EXOC4: variants seen among roughly 807,000 people sequenced by gnomAD.
EXOC4 encodes SEC8-like 1.
A neutral mutation model predicts 107.2 loss-of-function variants in EXOC4; 71 were observed. The ratio of observed to expected loss-of-function variants is 0.66; its 90% CI spans 0.55 to 0.81. EXOC4 has a LOEUF of 0.81. EXOC4 is among the 30% of genes least tolerant of loss of function. EXOC4 has a pLI of 0.00. For missense variants in EXOC4, 1,108 were observed against 1,189.6 expected, an observed-to-expected ratio of 0.93 and a Z score of 1.01; for synonymous variants, 456 against 441.2, an observed-to-expected ratio of 1.03 and a Z score of -0.42.
intron 9 of EXOC4, among the ~76,000 whole-genome samples, chr7:133,497,802 A>G (rs1460061879): frequency 6.6e-6 from 1 of 152,116 alleles, no homozygotes; most frequent in African/African-American, 2.4e-5. Flanking sequence ...ATATCACTAT[A>G]CTAATGAGGA....
chr7:134,076,414 A>T, the EXOC4 span, among the ~76,000 whole-genome samples: 1 of 152,086 alleles, frequency 6.6e-6, no homozygotes, highest in Non-Finnish European at 1.5e-5. Context: ...GCTACTCGGG[A>T]CGCTGAGGCA....
chr7:133,720,163 G>T (rs370843700), intron 10 of EXOC4, among the ~76,000 whole-genome samples: 4 of 152,248 alleles, frequency 2.6e-5, no homozygotes, highest in African/African-American at 9.6e-5. Flanking sequence ...AATGCTAAGC[G>T]TGGGGTTCTG....
intron 1 of EXOC4, 96 bp from the exon 2 acceptor site, chr7:133,274,886 T>C (rs1793952138): frequency 2.1e-6 from 2 of 958,966 alleles, no homozygotes; most frequent in African/African-American, 3.2e-5. Context: ...ATGAATGTGC[T>C]TCACCTTCCT....
Position 133,792,321 on chromosome 7 carries a change from G to A in EXOC4, c.1515-25004G>A, listed in dbSNP as rs114599512. 2.4e-3 allele frequency among the ~76,000 whole-genome samples: 361 copies of A among 152,236 alleles called. 5 individuals carry two copies. Among genetic ancestry groups the A allele is most frequent in the African/African-American group, 8.1e-3 (337 of 41,530 alleles). Reference sequence around the variant, plus strand: ...TAATCTCAGCACTTCGGGAGGCCAAGGTGAGAGGATCACTTGAGTCCAGGA... The same window carrying A: ...TAATCTCAGCACTTCGGGAGGCCAAAGTGAGAGGATCACTTGAGTCCAGGA... On this transcript the variant is annotated intron_variant, in intron 10 of 17. Transcript: ENST00000253861.
intron 3 of EXOC4, among the ~76,000 whole-genome samples, chr7:133,296,125 G>A (rs1367077780): frequency 6.6e-6 from 1 of 152,144 alleles, no homozygotes; most frequent in Non-Finnish European, 1.5e-5. Context: ...TATCAGGAAA[G>A]AATCTGGCAC....
intron 10 of EXOC4, among the ~76,000 whole-genome samples, chr7:133,723,493 T>TTTG (rs1554392479): frequency 6.6e-6 from 1 of 150,896 alleles, no homozygotes; most frequent in Non-Finnish European, 1.5e-5. Context: ...TTTCTTTCTT[T>TTTG]TTTGTTTGTT....
chr7:133,334,679 G>C (rs1406525297), intron 5 of EXOC4, among the ~76,000 whole-genome samples: 1 of 152,030 alleles, frequency 6.6e-6, no homozygotes, highest in Non-Finnish European at 1.5e-5. Context: ...GTACCCACTA[G>C]TTATTTTTTC....
At chr7:134,083,036 G>A in the EXOC4 span, among the ~76,000 whole-genome samples, 6 of 152,144 alleles carry the variant, frequency 3.9e-5, no homozygotes, top group East Asian at 1.9e-4. Context: ...ACTGGAAAAG[G>A]GTGGAATCTT....
chr7:133,710,659 C>CA (rs778511364), intron 10 of EXOC4, among the ~76,000 whole-genome samples: 2,401 of 31,808 alleles, frequency 0.075, 179 homozygotes, highest in East Asian at 0.22. Context: ...GACTCTGTCT[C>CA]AGAAAAAAAA....
At chr7:133,503,991 G>GTATATA (rs112703166) in intron 9 of EXOC4, among the ~76,000 whole-genome samples, 9 of 150,716 alleles carry the variant, frequency 6.0e-5, no homozygotes, top group African/African-American at 2.2e-4. Context: ...GTATATGTGT[G>GTATATA]TATATATATA....
chr7:133,857,530 C>T lies in EXOC4; in HGVS notation c.1735-38069C>T, dbSNP rs142297540. 4.0e-3 allele frequency among the ~76,000 whole-genome samples: 601 copies of T among 148,434 alleles called. 3 individuals are homozygous for T. The highest frequency in any genetic ancestry group is 0.013 in the South Asian group (59 of 4,648). On this transcript the variant is annotated intron_variant, in intron 11 of 17. Coordinates refer to ENST00000253861, the MANE Select transcript of EXOC4 (RefSeq NM_021807.4). ...CCCTGGGCTGCCAGGCTGTGCTGCT[C>T]GGCTCATGCTACAGACCCAGACCCA...
intron 10 of EXOC4, among the ~76,000 whole-genome samples, chr7:133,719,337 A>G (rs1434820613): frequency 2.0e-5 from 3 of 152,192 alleles, no homozygotes; most frequent in Non-Finnish European, 2.9e-5. Flanking sequence ...CTTTATTAGC[A>G]GCATGAAAAC....
rs561725971 is a variant in EXOC4 at position 133,719,766 on chromosome 7, A to G, written c.1514+89625A>G. Reference sequence around the variant, plus strand: ...GAATTGGCAGAAACTCAGAAACAATACTTTCTCATTTCAAGAAATAGTAAT... The same window carrying G: ...GAATTGGCAGAAACTCAGAAACAATGCTTTCTCATTTCAAGAAATAGTAAT... On this transcript the variant is annotated intron_variant, in intron 10 of 17. Transcript: ENST00000253861. Among the ~76,000 whole-genome samples, 3 of 152,324 alleles carry G rather than the reference A, an allele frequency of 2.0e-5. No individual in the cohort carries two copies. In the South Asian group the frequency reaches 6.2e-4, roughly 32 times the overall value.
intron 11 of EXOC4, among the ~76,000 whole-genome samples, chr7:133,827,997 G>A (rs1218877921): frequency 2.6e-5 from 4 of 152,118 alleles, no homozygotes; most frequent in South Asian, 2.1e-4. Context: ...ACTGATGGTC[G>A]TCTTAGTTGT....
intron 10 of EXOC4, among the ~76,000 whole-genome samples, chr7:133,697,515 A>C (rs956415354): frequency 1.3e-5 from 2 of 152,222 alleles, no homozygotes; most frequent in Admixed American, 1.3e-4. Flanking sequence ...CAGAGCTCAT[A>C]TTCTTTTCCC....
At chr7:133,446,171 C>G (rs1798215349) in intron 7 of EXOC4, among the ~76,000 whole-genome samples, 1 of 152,178 alleles carries the variant, frequency 6.6e-6, no homozygotes, top group South Asian at 2.1e-4. Context: ...ATCCCACATT[C>G]TTTCTCTGGT....
chr7:133,346,486 T>C (rs896003018), intron 5 of EXOC4, among the ~76,000 whole-genome samples: 2 of 152,212 alleles, frequency 1.3e-5, no homozygotes, highest in East Asian at 1.9e-4. Flanking sequence ...TTGAGCATAT[T>C]GGATATGTTA....
intron 9 of EXOC4, among the ~76,000 whole-genome samples, chr7:133,559,124 A>G (rs955820940): frequency 2.6e-5 from 4 of 152,058 alleles, no homozygotes; most frequent in Non-Finnish European, 5.9e-5. Context: ...TCCCTTTACC[A>G]TATTTCCATA....
intron 11 of EXOC4, among the ~76,000 whole-genome samples, chr7:133,861,046 C>T (rs1269948111): frequency 6.6e-6 from 1 of 152,178 alleles, no homozygotes; most frequent in Non-Finnish European, 1.5e-5. Flanking sequence ...TCAGCTGCCA[C>T]CTCCTTAACA....
Sources: allele counts gnomAD v4.1 joint callset (sites outside exome capture counted in the v4.1 genomes callset), GRCh38; gene constraint gnomAD v4.1.1; transcripts MANE v1.5; gene names NCBI Gene and HGNC (gene_info 2026-07-23, HGNC 2026-07-21).